Variants in FANCA observed in about 807,000 individuals in gnomAD.
FANCA encodes the protein FA complementation group A.
FANCA carries 236 observed loss-of-function variants against 194.3 expected under a neutral mutation model. The ratio of observed to expected loss-of-function variants is 1.21; its 90% CI spans 1.09 to 1.35. The LOEUF is 1.35. FANCA is among the 40% of genes most tolerant of loss of function. The pLI, the probability that FANCA is intolerant of heterozygous loss-of-function variation, is 0.00. For missense variants in FANCA, 2,628 were observed against 1,813.9 expected (o/e 1.45, Z -8.15); for synonymous variants, 1,014 against 715.8 (o/e 1.42, Z -6.65).
rs559931022 is a variant in FANCA, at chr16:89,781,397, G to T, written c.1627-1440C>A. 2.6e-3 allele frequency among the ~76,000 whole-genome samples: 381 copies of T among 149,348 alleles called. 2 individuals carry two copies. The highest frequency in any genetic ancestry group is 4.2e-3 in the Non-Finnish European group (287 of 67,612). On this transcript the variant is annotated intron_variant, in intron 17 of 42. Transcript: ENST00000389301. ...AAAAAAAAAAAAAAACAATACGCTGGGCACAGTGGCTCATGCCTGTAATCC... is the reference window on the plus strand; with the variant it reads ...AAAAAAAAAAAAAAACAATACGCTGTGCACAGTGGCTCATGCCTGTAATCC...
chr16:89,763,573 G>A (rs1230064362), intron 28 of FANCA, among the ~76,000 whole-genome samples: 1 of 152,132 alleles, frequency 6.6e-6, no homozygotes, highest in East Asian at 1.9e-4. Context: ...GCCAGCTCCA[G>A]TAACCAGGCA....
At chr16:89,809,125 C>T (rs2040779643) in intron 5 of FANCA, among the ~76,000 whole-genome samples, 1 of 151,938 alleles carries the variant, frequency 6.6e-6, no homozygotes, top group South Asian at 2.1e-4. Flanking sequence ...CCAGGATGGG[C>T]TCGATCTCCT....
chr16:89,747,630 C>T (rs1316631503), intron 33 of FANCA, among the ~76,000 whole-genome samples: 2 of 151,966 alleles, frequency 1.3e-5, no homozygotes, highest in African/African-American at 4.8e-5. Flanking sequence ...ACCTGGGAGG[C>T]GGAGGTTGCA....
intron 5 of FANCA, among the ~76,000 whole-genome samples, chr16:89,809,204 C>T (rs2040782464): frequency 6.6e-6 from 1 of 151,748 alleles, no homozygotes; most frequent in Admixed American, 6.6e-5. Context: ...CTGGGCCCGG[C>T]CCCTAACTCG....
chr16:89,795,812 A>C, intron 11 of FANCA, 94 bp downstream of exon 11: 2 of 888,180 alleles, frequency 2.3e-6, no homozygotes, highest in Middle Eastern at 4.6e-4. Flanking sequence ...AGGTCCTAGA[A>C]TTCCTGGCAT....
In FANCA at chr16:89,749,723, G is replaced by T. The variant is rs775293779; in HGVS notation, c.3239+7C>A. 1.2e-6 allele frequency: 2 copies of T among 1,612,992 alleles called. No homozygotes were observed. Among genetic ancestry groups the T allele is most frequent in the South Asian group, 2.2e-5 (2 of 90,890 alleles). On this transcript the variant is annotated splice_region_variant and intron_variant, in intron 32 of 42. Coordinates refer to ENST00000389301, the MANE Select transcript of FANCA (RefSeq NM_000135.4). Reference sequence around the variant, plus strand: ...TGCTGCCCTGCCCAGGTGGTAGTAGGTGTTACCGTTTGTACATTAGCAGCT... The same window carrying T: ...TGCTGCCCTGCCCAGGTGGTAGTAGTTGTTACCGTTTGTACATTAGCAGCT...
At chr16:89,746,369 C>T (rs535756141) in intron 35 of FANCA, among the ~76,000 whole-genome samples, 15 of 152,116 alleles carry the variant, frequency 9.9e-5, no homozygotes, top group Non-Finnish European at 1.5e-4. Flanking sequence ...GCCATGGTGA[C>T]GGCGGTGGGG....
chr16:89,793,006 G>A (rs1243901567), intron 11 of FANCA, among the ~76,000 whole-genome samples: 1 of 152,218 alleles, frequency 6.6e-6, no homozygotes, highest in African/African-American at 2.4e-5. Context: ...AGAGCCAGGT[G>A]TACAGGATGG....
At chr16:89,754,402 A>G (rs1290159050) in intron 30 of FANCA, among the ~76,000 whole-genome samples, 1 of 152,014 alleles carries the variant, frequency 6.6e-6, no homozygotes, top group African/African-American at 2.4e-5. Flanking sequence ...ACTGAGTTTC[A>G]CTCTTGTCGC....
chr16:89,791,110 C>A, intron 14 of FANCA: 1 of 360,768 alleles, frequency 2.8e-6, no homozygotes, highest in Non-Finnish European at 5.2e-6. Flanking sequence ...TTATAAAAGA[C>A]AGCAGGAGGC....
chr16:89,753,736 AG>A (rs1481105837), intron 30 of FANCA, among the ~76,000 whole-genome samples: 1 of 152,172 alleles, frequency 6.6e-6, no homozygotes, highest in African/African-American at 2.4e-5. Flanking sequence ...CTCTACACTC[AG>A]AACAGTGTCG....
At chr16:89,740,780 C>G in intron 38 of FANCA, 24 bp downstream of exon 38, 1 of 1,610,816 alleles carries the variant, frequency 6.2e-7, no homozygotes, top group South Asian at 1.1e-5. Context: ...GAGAGGACAC[C>G]TTGGCTGGTA....
chr16:89,807,878 G>A (rs1394600757), intron 6 of FANCA, among the ~76,000 whole-genome samples: 1 of 151,260 alleles, frequency 6.6e-6, no homozygotes, highest in Non-Finnish European at 1.5e-5. Context: ...ACGAGACTCT[G>A]TCCCTAAAAA....
At chr16:89,791,357 T>C (rs2040070528) in intron 14 of FANCA, 46 bp downstream of exon 14, 1 of 1,607,328 alleles carries the variant, frequency 6.2e-7, no homozygotes, top group African/African-American at 1.3e-5. Context: ...CTCCCAGGCC[T>C]TCTGGGAAGA....
Position 89,769,877 on chromosome 16 carries a change from G to A in FANCA, c.2464C>T (p.Leu822=), listed in dbSNP as rs2039262153. The A allele has an allele frequency of 1.9e-6, 3 of 1,614,144 alleles. No homozygotes were observed. Among genetic ancestry groups the A allele is most frequent in the African/African-American group, 1.3e-5 (1 of 75,036 alleles). Residue 822 remains leucine, a synonymous_variant, in exon 26 of 43, where the codon CTG becomes TTG. Transcript: ENST00000389301. ...AAGGAATCCCTCGTCCTACAGGTCA[G>A]GAGGCTGTCAAAGAGCGCAGGGACA... ...LPVPALFDSL[L]TCRTRDSLFF...
Position 89,815,924 on chromosome 16 carries a change from C to T in FANCA, c.142G>A (p.Val48Met). 1 of 1,614,164 alleles carries T rather than the reference C, an allele frequency of 6.2e-7. No individual in the cohort carries two copies. Among genetic ancestry groups the T allele is most frequent in the Non-Finnish European group, 8.5e-7 (1 of 1,179,984 alleles). Residue 48 changes from valine (V) to methionine (M), a missense_variant, in exon 2 of 43, where the codon GTG becomes ATG. Transcript: ENST00000389301. ...TCCTGATGGCTTCGCAGGAGGCGCA[C>T]AGCTGATTCCTTTAATTTCTGTGCC... is the stretch of plus-strand genomic sequence containing the variant. ...ERAQKLKESA[V>M]RLLRSHQDLN...
At chr16:89,805,692 T>C (rs2040615433) in intron 6 of FANCA, among the ~76,000 whole-genome samples, 1 of 151,570 alleles carries the variant, frequency 6.6e-6, no homozygotes, top group Non-Finnish European at 1.5e-5. Flanking sequence ...CACCTTGCCC[T>C]CCCAAAGTGC....
intron 29 of FANCA, among the ~76,000 whole-genome samples, chr16:89,761,727 C>T (rs1360700132): frequency 1.3e-5 from 2 of 152,160 alleles, no homozygotes; most frequent in Non-Finnish European, 2.9e-5. Flanking sequence ...CAGGCTCAAG[C>T]AATGCTCCTG....
intron 33 of FANCA, among the ~76,000 whole-genome samples, chr16:89,748,119 C>T (rs2038453810): frequency 6.6e-6 from 1 of 152,144 alleles, no homozygotes; most frequent in Non-Finnish European, 1.5e-5. Flanking sequence ...GTCATGTTGC[C>T]CAGGCTGGTC....
Sources: allele counts gnomAD v4.1 joint callset (sites outside exome capture counted in the v4.1 genomes callset), GRCh38; gene constraint gnomAD v4.1.1; transcripts MANE v1.5; gene names NCBI Gene and HGNC (gene_info 2026-07-23, HGNC 2026-07-21).